Variants in DAPK1 observed in about 807,000 individuals in gnomAD.
DAPK1 encodes death associated protein kinase 1, also known as death-associated protein kinase 1.
DAPK1 carries 56 observed loss-of-function variants against 144.9 expected under a neutral mutation model. That is an observed-to-expected ratio of 0.39 (90% CI 0.31 to 0.48). DAPK1 has a LOEUF of 0.48. Ranked by LOEUF, DAPK1 falls within the 20% of genes least tolerant of loss-of-function variation. DAPK1 has a pLI of 0.95. For synonymous variants in DAPK1, 690 were observed against 749.0 expected (o/e 0.92, Z 1.29); for missense variants, 1,454 against 1,875.4 (o/e 0.78, Z 4.15).
At chr9:87,508,982 A>G (rs1824724922) in intron 2 of DAPK1, among the ~76,000 whole-genome samples, 1 of 152,198 alleles carries the variant, frequency 6.6e-6, no homozygotes, top group African/African-American at 2.4e-5. Context: ...AAGTTTTTCG[A>G]AATTGTTTTG....
chr9:87,681,233 G>A (rs546312237), intron 19 of DAPK1, among the ~76,000 whole-genome samples, 171 bp from the exon 20 acceptor site: 3 of 151,650 alleles, frequency 2.0e-5, no homozygotes, highest in South Asian at 4.2e-4. Context: ...AGCTGAGATC[G>A]TGCCATTGCA....
At chr9:87,538,042 T>G (rs1271766315) in intron 2 of DAPK1, among the ~76,000 whole-genome samples, 1 of 152,234 alleles carries the variant, frequency 6.6e-6, no homozygotes, top group East Asian at 1.9e-4. Context: ...CTTCCCATTT[T>G]TACTTTAAGG....
chr9:87,637,334 C>T (rs184177632), intron 3 of DAPK1, among the ~76,000 whole-genome samples: 5 of 152,106 alleles, frequency 3.3e-5, no homozygotes, highest in South Asian at 2.1e-4. Context: ...CCTTGTGATC[C>T]GCCCGCCTCA....
intron 11 of DAPK1, among the ~76,000 whole-genome samples, 177 bp from the exon 12 acceptor site, chr9:87,645,718 T>C (rs1830242620): frequency 6.6e-6 from 1 of 152,220 alleles, no homozygotes; most frequent in Non-Finnish European, 1.5e-5. Flanking sequence ...GTTTGCAACA[T>C]GGAAGGGGCA....
At chr9:87,625,523 C>T (rs892351259) in intron 3 of DAPK1, among the ~76,000 whole-genome samples, 2 of 152,222 alleles carry the variant, frequency 1.3e-5, no homozygotes, top group Non-Finnish European at 2.9e-5. Flanking sequence ...GTGATGGGCT[C>T]AGGCGATCAT....
At chr9:87,515,562 G>C (rs1825018853) in intron 2 of DAPK1, among the ~76,000 whole-genome samples, 1 of 152,164 alleles carries the variant, frequency 6.6e-6, no homozygotes, top group Non-Finnish European at 1.5e-5. Flanking sequence ...GGAGGCAGAG[G>C]TTGGCTTAGT....
In DAPK1 at chr9:87,567,549, A is replaced by G. The variant is rs190288476; in HGVS notation, c.63-37405A>G. Reference sequence around the variant, plus strand: ...ATTGGAGTTGCGGGGTCAGACTGGAAGTAGCCAGGGAATTAGGCTCGGTTG... The same window carrying G: ...ATTGGAGTTGCGGGGTCAGACTGGAGGTAGCCAGGGAATTAGGCTCGGTTG... On this transcript the variant is annotated intron_variant, in intron 2 of 25. Coordinates refer to ENST00000408954, the MANE Select transcript of DAPK1 (RefSeq NM_004938.4). Among the ~76,000 whole-genome samples, 13 of 152,296 alleles carry G rather than the reference A, an allele frequency of 8.5e-5. No individual in the cohort carries two copies. In the East Asian group the frequency reaches 2.3e-3, roughly 27 times the overall value.
At chr9:87,633,073 G>T (rs1180225748) in intron 3 of DAPK1, 1 of 976,528 alleles carries the variant, frequency 1.0e-6, no homozygotes, top group African/African-American at 1.8e-5. Context: ...GAAGGAAGAT[G>T]AATATATATG....
chr9:87,706,578 G>T lies in DAPK1; in HGVS notation c.3507G>T (p.Leu1169=), dbSNP rs528813093. 1 of 1,613,738 alleles carries T rather than the reference G, an allele frequency of 6.2e-7. No homozygotes were observed. Among genetic ancestry groups the T allele is most frequent in the African/African-American group, 1.3e-5 (1 of 74,940 alleles). Residue 1169 remains leucine (L), a synonymous_variant, in exon 26 of 26, where the codon CTG becomes CTT. Coordinates refer to ENST00000408954, the MANE Select transcript of DAPK1 (RefSeq NM_004938.4). The surrounding 1 kb of genome is among the most constrained non-coding windows in gnomAD (Gnocchi z 9.0). Reference sequence around the variant, plus strand: ...CAGAGGGCGACGCGGACATCCGCCTGTGGGTGAATGGCTGCAAGCTGGCCA... The same window carrying T: ...CAGAGGGCGACGCGGACATCCGCCTTTGGGTGAATGGCTGCAAGCTGGCCA... ...QSTEGDADIR[L]WVNGCKLANR...
intron 2 of DAPK1, among the ~76,000 whole-genome samples, chr9:87,500,108 A>G (rs1824337574): frequency 1.3e-5 from 2 of 152,206 alleles, no homozygotes; most frequent in African/African-American, 4.8e-5. Flanking sequence ...CTTTTTCTCC[A>G]TGAAAAGGAA....
At chr9:87,572,445 G>A (rs1333429718) in intron 2 of DAPK1, among the ~76,000 whole-genome samples, 1 of 152,146 alleles carries the variant, frequency 6.6e-6, no homozygotes, top group South Asian at 2.1e-4. Context: ...GATATTGTTT[G>A]GATATTTGTC....
intron 19 of DAPK1, among the ~76,000 whole-genome samples, chr9:87,674,514 C>CAAAAAAAAA (rs35817698): frequency 1.5e-5 from 1 of 67,630 alleles, no homozygotes; most frequent in African/African-American, 6.3e-5. Flanking sequence ...GACTCTGTCT[C>CAAAAAAAAA]AAAAAAAAAA....
intron 2 of DAPK1, chr9:87,553,475 A>C (rs917764062): frequency 8.1e-6 from 1 of 123,104 alleles, no homozygotes; most frequent in Admixed American, 8.1e-5. Context: ...CTCAATATTT[A>C]TTTTCTTTTT....
In DAPK1 at chr9:87,662,560, G is replaced by GTTTTGTTTTTTTTTTTTTTTT. The variant is rs1554700237; in HGVS notation, c.1923+4437_1923+4438insGTTTTTTTTTTTTTTTTTTTT. On this transcript the variant is annotated intron_variant, in intron 18 of 25. Transcript: ENST00000408954. ...ACCTCCTTGGTTAAATATATTCCTAGTTTTTTTTTTTTTTTTTTTTTTTTT... is the reference window on the plus strand; with the variant it reads ...ACCTCCTTGGTTAAATATATTCCTAGTTTTGTTTTTTTTTTTTTTTTTTTTTTTTTTTTTTTTTTTTTTTTT... 9.3e-5 allele frequency among the ~76,000 whole-genome samples: 3 copies of GTTTTGTTTTTTTTTTTTTTTT among 32,138 alleles called. 1 individual carries two copies. The highest frequency in any genetic ancestry group is 4.6e-4 in the African/African-American group (3 of 6,556). The allele number at this position is 32,138 out of a possible 152,430, so 21.1% of individuals were successfully genotyped here. A position where few individuals can be genotyped will look rare whatever the true frequency, so the allele number is the denominator to read the frequency against.
rs150347301 is a variant in DAPK1, at chr9:87,690,128, A to G, written c.2413+3389A>G. On this transcript the variant is annotated intron_variant, in intron 21 of 25. Coordinates refer to ENST00000408954, the MANE Select transcript of DAPK1 (RefSeq NM_004938.4). ...CATTTTCACAATGTTGATTCTTCCA[A>G]TATATGACCACAGCATGTATTTGCA... Among the ~76,000 whole-genome samples, 286 of 152,256 alleles carry G rather than the reference A, an allele frequency of 1.9e-3. 1 individual carries two copies. The highest frequency in any genetic ancestry group is 6.4e-3 in the African/African-American group (265 of 41,568).
chr9:87,570,486 G>C (rs1438454117), intron 2 of DAPK1, among the ~76,000 whole-genome samples: 1 of 152,122 alleles, frequency 6.6e-6, no homozygotes, highest in South Asian at 2.1e-4. Context: ...TTACCCCCAG[G>C]TTGGGACAGG....
chr9:87,703,164 G>T lies in DAPK1; in HGVS notation c.3007G>T (p.Ala1003Ser), dbSNP rs1301057616. Reference protein sequence around the residue: ...YDVQDQLNPLASEEDLRRIAQ... With the variant: ...YDVQDQLNPLSSEEDLRRIAQ... ...CGTGCAGGACCAGCTGAACCCCCTG[G>T]CCAGCGAGGAGGACCTCAGGCGCAT... Residue 1003 changes from alanine (A) to serine (S), a missense_variant, in exon 25 of 26, where the codon GCC (alanine) becomes TCC (serine). By Grantham distance (99) the Ala-to-Ser change is moderately conservative. Coordinates refer to ENST00000408954, the MANE Select transcript of DAPK1 (RefSeq NM_004938.4). 8 of 1,612,910 alleles carry T rather than the reference G, an allele frequency of 5.0e-6. No homozygotes were observed. The South Asian group carries it at 7.7e-5, about 15-fold the overall frequency.
At chr9:87,674,908 A>G (rs2119305212) in intron 19 of DAPK1, among the ~76,000 whole-genome samples, 1 of 152,374 alleles carries the variant, frequency 6.6e-6, no homozygotes, top group African/African-American at 2.4e-5. Flanking sequence ...AAAGAGCAAC[A>G]CAGTTACCAA....
intron 3 of DAPK1, among the ~76,000 whole-genome samples, chr9:87,607,583 T>C (rs1013315247): frequency 1.4e-4 from 21 of 151,762 alleles, no homozygotes. Flanking sequence ...CATACAATTA[T>C]TTTTTTTTAC....
Sources: gnomAD v4.1 joint callset for allele counts (sites outside exome capture counted in the v4.1 genomes callset) on GRCh38, gnomAD v4.1.1 for gene constraint, Gnocchi (gnomAD v3.1) non-coding constraint, MANE v1.5 for transcripts, NCBI Gene and HGNC (gene_info 2026-07-23, HGNC 2026-07-21) for gene names.